Variants in CHD2 observed in about 807,000 individuals in gnomAD.
The protein encoded by CHD2 is ATP-dependent chromatin remodeler CHD2.
Under a neutral mutation model 243.9 loss-of-function variants are expected in CHD2, and 28 were observed. The observed-to-expected ratio is 0.11, with a 90% CI of 0.09 to 0.16. CHD2 has a LOEUF of 0.16. Among genes scored for constraint, CHD2 ranks in the 10% least tolerant of loss-of-function variants. The pLI is 1.00. For synonymous variants in CHD2, 775 were observed against 779.0 expected (o/e 0.99, Z 0.09); for missense variants, 1,386 against 2,209.8 (o/e 0.63, Z 7.47).
intron 38 of CHD2, 69 bp from the exon 39 acceptor site, chr15:93,024,303 G>A: frequency 7.2e-7 from 1 of 1,379,912 alleles, no homozygotes; most frequent in Non-Finnish European, 1.0e-6. Flanking sequence ...AGAGCCAAGT[G>A]GGTAGTGAAG....
intron 28 of CHD2, among the ~76,000 whole-genome samples, chr15:92,995,516 A>G (rs1225391513): frequency 6.6e-6 from 1 of 152,162 alleles, no homozygotes; most frequent in Non-Finnish European, 1.5e-5. Context: ...TCTTACACAG[A>G]AGAGAACATA....
intron 2 of CHD2, among the ~76,000 whole-genome samples, chr15:92,903,107 ATAGT>A (rs1050355697): frequency 3.9e-5 from 6 of 152,330 alleles, no homozygotes; most frequent in South Asian, 4.1e-4. Flanking sequence ...TGAAAAGAAG[ATAGT>A]TACTTTTAAA....
chr15:92,937,542 A>G lies in CHD2; in HGVS notation c.468A>G (p.Ser156=), dbSNP rs1340233369. The G allele has an allele frequency of 6.2e-7, 1 of 1,612,144 alleles. No homozygotes were observed. The highest frequency in any genetic ancestry group is 8.5e-7 in the Non-Finnish European group (1 of 1,179,250). ...GAGAAAAATGGAAACAGGAACCCTC[A>G]GAAGATGAACAGGAACAAGGCACCA... is the stretch of plus-strand genomic sequence containing the variant. The part of the protein sequence containing the change: ...KKQEKWKQEP[S]EDEQEQGTSA... The change falls in exon 6 of 39, where the codon TCA becomes TCG. Residue 156 remains serine (S), a synonymous_variant. Transcript: ENST00000394196.
chr15:92,937,245 G>A (rs1235949365), intron 5 of CHD2, among the ~76,000 whole-genome samples: 2 of 151,090 alleles, frequency 1.3e-5, no homozygotes, highest in Admixed American at 1.3e-4. Flanking sequence ...GCATGTTATG[G>A]TTTCAATCTT....
intron 28 of CHD2, 124 bp from the exon 29 acceptor site, chr15:92,996,833 T>A (rs1212245616): frequency 5.3e-6 from 5 of 949,976 alleles, no homozygotes; most frequent in South Asian, 4.1e-5. Context: ...AGATTATATC[T>A]TCAAAATAAC....
intron 5 of CHD2, among the ~76,000 whole-genome samples, chr15:92,932,514 A>T (rs746398625): frequency 7.7e-6 from 1 of 129,410 alleles, no homozygotes. Flanking sequence ...TCATTGTTCA[A>T]TTCCCACCTA....
rs571324438 is a variant in CHD2 at position 92,956,766 on chromosome 15, G to A, written c.2000+117G>A. The A allele has an allele frequency of 6.8e-4, 606 of 895,116 alleles. 13 individuals are homozygous for A. In the South Asian group the frequency reaches 7.1e-3, roughly 10 times the overall value. 55.4% of individuals were successfully genotyped at this position (895,116 alleles called of 1,614,324 possible). On this transcript the variant is annotated intron_variant, in intron 16 of 38. Coordinates refer to ENST00000394196, the MANE Select transcript of CHD2 (RefSeq NM_001271.4). The stretch of plus-strand genomic sequence containing the variant: ...TGGCATGGTTTGGGGAAAGCAAAGC[G>A]TCAAATGGAGGCAGGGATGGCGGTA...
intron 2 of CHD2, chr15:92,904,576 C>T (rs898895795): frequency 2.9e-6 from 3 of 1,027,898 alleles, no homozygotes; most frequent in Non-Finnish European, 3.5e-6. Context: ...CTTGTCCGCC[C>T]TTGCCTGTAG....
chr15:92,905,084 C>T, intron 2 of CHD2: 1 of 1,286,524 alleles, frequency 7.8e-7, no homozygotes, highest in South Asian at 1.4e-5. Flanking sequence ...ATTTCACGTT[C>T]AATAACATTA....
At chr15:93,002,122 C>T (rs2054264591) in intron 32 of CHD2, 55 bp from the exon 33 acceptor site, 1 of 1,555,090 alleles carries the variant, frequency 6.4e-7, no homozygotes, top group Admixed American at 2.2e-5. Context: ...CCAGAAAGTA[C>T]ATAAGTAGAT....
chr15:92,902,140 T>C (rs1246440008), intron 2 of CHD2: 9 of 397,824 alleles, frequency 2.3e-5, no homozygotes, highest in African/African-American at 4.1e-5. Flanking sequence ...AATTTAGATG[T>C]AGCTGCTTTA....
chr15:92,948,938 C>G lies in CHD2; in HGVS notation c.1378-14C>G. On this transcript the variant is annotated splice_polypyrimidine_tract_variant and intron_variant, in intron 12 of 38. Transcript: ENST00000394196. ...GTAAGAACATTTTCTCAGACTTGGGCTTTTGTTTTTCAGGCCCTGAAGCAG... is the reference window on the plus strand; with the variant it reads ...GTAAGAACATTTTCTCAGACTTGGGGTTTTGTTTTTCAGGCCCTGAAGCAG... 6.2e-7 allele frequency: 1 copy of G among 1,608,308 alleles called. No individual in the cohort carries two copies. The highest frequency in any genetic ancestry group is 8.5e-7 in the Non-Finnish European group (1 of 1,178,294).
At chr15:92,904,404 G>T (rs2052579485) in intron 2 of CHD2, 4 of 965,060 alleles carry the variant, frequency 4.1e-6, no homozygotes, top group Non-Finnish European at 4.9e-6. Context: ...GCTCCCCTGG[G>T]GGGCGGGGAG....
At chr15:93,004,308 C>A (rs1292467636) in intron 33 of CHD2, among the ~76,000 whole-genome samples, 1 of 152,118 alleles carries the variant, frequency 6.6e-6, no homozygotes, top group African/African-American at 2.4e-5. Context: ...TGCCAATTTA[C>A]AAGCTTAACC....
chr15:92,963,128 A>G (rs1355317038), intron 16 of CHD2, among the ~76,000 whole-genome samples: 1 of 152,216 alleles, frequency 6.6e-6, no homozygotes, highest in African/African-American at 2.4e-5. Flanking sequence ...TATCCAGGCA[A>G]ATAATCCTTG....
chr15:92,907,732 C>T (rs966592720), intron 2 of CHD2, among the ~76,000 whole-genome samples: 1 of 152,096 alleles, frequency 6.6e-6, no homozygotes, highest in Non-Finnish European at 1.5e-5. Context: ...TAGCAAAGAG[C>T]CCATCACATT....
At chr15:93,015,162 T>A (rs2054442864) in intron 37 of CHD2, among the ~76,000 whole-genome samples, 2 of 152,124 alleles carry the variant, frequency 1.3e-5, no homozygotes, top group Non-Finnish European at 2.9e-5. Context: ...CACTGCAACC[T>A]CCACCTCCTG....
chr15:92,907,065 T>A (rs2052636997), intron 2 of CHD2, among the ~76,000 whole-genome samples: 1 of 152,246 alleles, frequency 6.6e-6, no homozygotes, highest in Non-Finnish European at 1.5e-5. Flanking sequence ...TGGAACACAT[T>A]ACTCACATTT....
chr15:92,942,553 G>A (rs1230307091), intron 8 of CHD2, among the ~76,000 whole-genome samples: 2 of 151,506 alleles, frequency 1.3e-5, no homozygotes, highest in African/African-American at 4.8e-5. Context: ...AGTTAGTAAG[G>A]GACCAAAACA....
Sources: allele counts gnomAD v4.1 joint callset (sites outside exome capture counted in the v4.1 genomes callset), GRCh38; gene constraint gnomAD v4.1.1; transcripts MANE v1.5; gene names NCBI Gene and HGNC (gene_info 2026-07-23, HGNC 2026-07-21).